Variants in MAP3K8 observed in about 807,000 individuals in gnomAD.
The protein encoded by MAP3K8 is Ewing sarcoma transformant.
Under a neutral mutation model 45.8 loss-of-function variants are expected in MAP3K8, and 22 were observed. The observed-to-expected ratio is 0.48, with a 90% CI of 0.34 to 0.69. The LOEUF is 0.69. Ranked by LOEUF, MAP3K8 falls within the 30% of genes least tolerant of loss-of-function variation. MAP3K8 has a pLI of 0.01. For missense variants in MAP3K8, 419 were observed against 585.0 expected (o/e 0.72, Z 2.93); for synonymous variants, 223 against 214.3 (o/e 1.04, Z -0.36).
Position 30,460,697 on chromosome 10 carries a change from C to T in MAP3K8, c.1274-9C>T, listed in dbSNP as rs1836906569. On this transcript the variant is annotated splice_polypyrimidine_tract_variant and intron_variant, in intron 8 of 8. Coordinates refer to ENST00000263056, the MANE Select transcript of MAP3K8 (RefSeq NM_005204.4). ...CTTGTTACTTACTTTGTAATGTTTT[C>T]CTTTTCAGATTCTTCGTGCACAGGA... The T allele has an allele frequency of 6.3e-7, 1 of 1,598,536 alleles. No individual in the cohort carries two copies. The highest frequency in any genetic ancestry group is 2.2e-5 in the East Asian group (1 of 44,478).
In MAP3K8 at chr10:30,438,975, G is replaced by A; in HGVS notation, c.37G>A (p.Glu13Lys). 1 of 1,611,718 alleles carries A rather than the reference G, an allele frequency of 6.2e-7. No homozygotes were observed. The highest frequency in any genetic ancestry group is 1.1e-5 in the South Asian group (1 of 90,938). ...GAGCACTGGAAGTGACAATAAAGAA[G>A]AGATTGATTTATTAATTAAACATTT... ...YMSTGSDNKE[E>K]IDLLIKHLNV... The change falls in exon 3 of 9, where the codon GAG becomes AAG. Residue 13 changes from glutamate to lysine, a missense_variant. Transcript: ENST00000263056.
At chr10:30,443,651 A>G (rs1251315789) in intron 3 of MAP3K8, among the ~76,000 whole-genome samples, 1 of 152,236 alleles carries the variant, frequency 6.6e-6, no homozygotes, top group Admixed American at 6.5e-5. Context: ...ATATGCCTGC[A>G]TGAATATAGA....
chr10:30,458,326 A>T, intron 7 of MAP3K8, 90 bp downstream of exon 7: 1 of 839,588 alleles, frequency 1.2e-6, no homozygotes, highest in South Asian at 3.2e-5. Flanking sequence ...TCTGCCTTCT[A>T]TACCACCCCC....
chr10:30,434,562 A>G (rs1334663415), intron 1 of MAP3K8, 184 bp downstream of exon 1: 1 of 985,778 alleles, frequency 1.0e-6, no homozygotes. Context: ...ACAGCTGGAA[A>G]GCACCTTGCG....
chr10:30,443,259 A>T (rs977489381), intron 3 of MAP3K8, among the ~76,000 whole-genome samples: 1 of 152,222 alleles, frequency 6.6e-6, no homozygotes, highest in Non-Finnish European at 1.5e-5. Context: ...AAAATGGATA[A>T]CATCATGACA....
intron 6 of MAP3K8, among the ~76,000 whole-genome samples, chr10:30,452,191 T>G (rs1836564292): frequency 6.6e-6 from 1 of 151,704 alleles, no homozygotes; most frequent in East Asian, 1.9e-4. Context: ...TGGTTTAGGC[T>G]GGGCACGGTG....
At chr10:30,441,428 A>T (rs1358171086) in intron 3 of MAP3K8, among the ~76,000 whole-genome samples, 1 of 152,216 alleles carries the variant, frequency 6.6e-6, no homozygotes, top group South Asian at 2.1e-4. Context: ...AAGTGTGGGG[A>T]TTATAGGCGT....
chr10:30,457,732 G>A (rs1371868743), intron 6 of MAP3K8, among the ~76,000 whole-genome samples: 1 of 152,124 alleles, frequency 6.6e-6, no homozygotes, highest in Non-Finnish European at 1.5e-5. Flanking sequence ...AGCAGCCTCC[G>A]CCTTCCGAGC....
Position 30,458,247 on chromosome 10 carries a change from T to G in MAP3K8, c.1026+11T>G. 1 of 787,736 alleles carries G rather than the reference T, an allele frequency of 1.3e-6. No homozygotes were observed. The highest frequency in any genetic ancestry group is 1.9e-6 in the Non-Finnish European group (1 of 523,772). 48.8% of individuals were successfully genotyped at this position (787,736 alleles called of 1,614,324 possible). On this transcript the variant is annotated intron_variant, in intron 7 of 8. Transcript: ENST00000263056. The stretch of plus-strand genomic sequence containing the variant: ...TCCTACCTGTACATAGTAAGTGGGG[T>G]TCAACCAGGGCTGGGGGCGGCGGGG...
intron 6 of MAP3K8, among the ~76,000 whole-genome samples, chr10:30,454,565 TAAA>T (rs5784200): frequency 2.8e-5 from 4 of 140,418 alleles, no homozygotes; most frequent in Non-Finnish European, 1.5e-5. Context: ...GACCTTGTCC[TAAA>T]AAAAAAAAAA....
chr10:30,442,318 A>T (rs1474269514), intron 3 of MAP3K8, among the ~76,000 whole-genome samples: 1 of 152,206 alleles, frequency 6.6e-6, no homozygotes, highest in Non-Finnish European at 1.5e-5. Flanking sequence ...TCCAAGAAGG[A>T]TTTATGCCTA....
intron 8 of MAP3K8, 129 bp from the exon 9 acceptor site, chr10:30,460,577 A>G: frequency 1.4e-6 from 1 of 698,848 alleles, no homozygotes; most frequent in East Asian, 2.9e-5. Context: ...ATAGTGTTCA[A>G]AGACCCATCT....
chr10:30,453,517 G>A (rs891761559), intron 6 of MAP3K8, among the ~76,000 whole-genome samples: 1 of 152,204 alleles, frequency 6.6e-6, no homozygotes, highest in Non-Finnish European at 1.5e-5. Flanking sequence ...ATGCGTTCGC[G>A]GGCTTCCAAG....
chr10:30,439,578 G>A, intron 3 of MAP3K8: 1 of 494,322 alleles, frequency 2.0e-6, no homozygotes, highest in Non-Finnish European at 3.5e-6. Context: ...GAGAGGCCGA[G>A]GTGGGTGGAT....
chr10:30,443,973 T>A (rs528691033), intron 3 of MAP3K8, among the ~76,000 whole-genome samples: 2 of 151,840 alleles, frequency 1.3e-5, no homozygotes, highest in Non-Finnish European at 2.9e-5. Flanking sequence ...GAGGATCACT[T>A]GAGCCCGAGT....
chr10:30,454,836 C>G (rs756723145), intron 6 of MAP3K8, among the ~76,000 whole-genome samples: 1 of 151,580 alleles, frequency 6.6e-6, no homozygotes, highest in Non-Finnish European at 1.5e-5. Context: ...TTAATGCTTA[C>G]GACATGTTTT....
chr10:30,444,638 A>G (rs1047153570), intron 3 of MAP3K8, among the ~76,000 whole-genome samples: 6 of 152,208 alleles, frequency 3.9e-5, no homozygotes, highest in Non-Finnish European at 7.3e-5. Context: ...TGGTCCCCAG[A>G]ATCTGGGAAG....
chr10:30,448,120 C>G (rs531294148), intron 4 of MAP3K8, among the ~76,000 whole-genome samples, 171 bp downstream of exon 4: 1 of 152,272 alleles, frequency 6.6e-6, no homozygotes, highest in East Asian at 1.9e-4. Flanking sequence ...TGGGGCCATT[C>G]AGCCCTAAAA....
At chr10:30,441,478 C>T (rs1453236450) in intron 3 of MAP3K8, among the ~76,000 whole-genome samples, 1 of 151,858 alleles carries the variant, frequency 6.6e-6, no homozygotes, top group Non-Finnish European at 1.5e-5. Context: ...TAAGAATAAA[C>T]AAATACATAA....
Sources: allele counts gnomAD v4.1 joint callset (sites outside exome capture counted in the v4.1 genomes callset), GRCh38; gene constraint gnomAD v4.1.1; transcripts MANE v1.5; gene names NCBI Gene and HGNC (gene_info 2026-07-23, HGNC 2026-07-21).